KCNIP4: variants seen among roughly 807,000 people sequenced by gnomAD.
KCNIP4 encodes the protein Kv channel-interacting protein 4.
KCNIP4 carries 12 observed loss-of-function variants against 34.0 expected under a neutral mutation model. The observed-to-expected ratio is 0.35, with a 90% CI of 0.23 to 0.57. The LOEUF is 0.57. Ranked by LOEUF, KCNIP4 falls within the 20% of genes least tolerant of loss-of-function variation. The pLI, the probability that KCNIP4 is intolerant of heterozygous loss-of-function variation, is 0.83. For missense variants in KCNIP4, 238 were observed against 311.7 expected (o/e 0.76, Z 1.78); for synonymous variants, 124 against 102.2 (o/e 1.21, Z -1.29).
chr4:21,200,492 C>T (rs1201206893), intron 1 of KCNIP4, among the ~76,000 whole-genome samples: 1 of 151,372 alleles, frequency 6.6e-6, no homozygotes, highest in African/African-American at 2.4e-5. Context: ...TTTGCAACAA[C>T]TTGGATGGAA....
intron 1 of KCNIP4, among the ~76,000 whole-genome samples, chr4:21,287,848 A>AAT (rs1343857978): frequency 1.3e-5 from 2 of 152,154 alleles, no homozygotes; most frequent in Admixed American, 6.6e-5. Flanking sequence ...AAATCAAAAA[A>AAT]ATATATATAT....
intron 3 of KCNIP4, among the ~76,000 whole-genome samples, chr4:20,831,791 G>A (rs1409321739): frequency 6.6e-6 from 1 of 152,186 alleles, no homozygotes; most frequent in Non-Finnish European, 1.5e-5. Flanking sequence ...TTGCTTCATT[G>A]CACAGATTAC....
chr4:20,853,124 G>A (rs781717964), intron 2 of KCNIP4, among the ~76,000 whole-genome samples: 2 of 152,066 alleles, frequency 1.3e-5, no homozygotes, highest in South Asian at 2.1e-4. Context: ...CAGAATTAGA[G>A]AAAACAATTC....
intron 3 of KCNIP4, among the ~76,000 whole-genome samples, chr4:20,764,325 T>C (rs1326737329): frequency 6.6e-6 from 1 of 152,182 alleles, no homozygotes; most frequent in Non-Finnish European, 1.5e-5. Flanking sequence ...TCTTTAACTT[T>C]AGGAAATATC....
rs180717107 is a variant in KCNIP4, at chr4:21,314,697, T to A, written c.62-431988A>T. Reference sequence around the variant, plus strand: ...GGAGTGTAAGCTCTCTATTAACAAGTCATGGTAACAAGGAAAGGAGAATGG... The same window carrying A: ...GGAGTGTAAGCTCTCTATTAACAAGACATGGTAACAAGGAAAGGAGAATGG... On this transcript the variant is annotated intron_variant, in intron 1 of 8. Transcript: ENST00000382152. Among the ~76,000 whole-genome samples the A allele has an allele frequency of 1.1e-4, 17 of 152,292 alleles. No individual in the cohort carries two copies. In the South Asian group the frequency reaches 1.9e-3, roughly 17 times the overall value.
At chr4:21,173,948 C>T (rs2162080) in intron 1 of KCNIP4, among the ~76,000 whole-genome samples, 17,589 of 152,230 alleles carry the variant, frequency 0.12, 1,110 homozygotes, top group East Asian at 0.19. Flanking sequence ...TCTCTGCACA[C>T]CCCACTCCTT....
At chr4:21,689,014 T>C (rs535556109) in intron 1 of KCNIP4, among the ~76,000 whole-genome samples, 1 of 152,234 alleles carries the variant, frequency 6.6e-6, no homozygotes, top group Admixed American at 6.5e-5. Flanking sequence ...ATATGTTGGT[T>C]GGTTGAGTTA....
Position 21,820,281 on chromosome 4 carries a change from GTGTGTA to G in KCNIP4, c.61+128284_61+128289del, listed in dbSNP as rs1237618445. Among the ~76,000 whole-genome samples the G allele has an allele frequency of 8.9e-4, 16 of 17,922 alleles. No homozygotes were observed. In the East Asian group the frequency reaches 0.016, roughly 18 times the overall value. The allele number at this position is 17,922 out of a possible 152,430, so 11.8% of individuals were successfully genotyped here. On this transcript the variant is annotated intron_variant, in intron 1 of 8. Coordinates refer to ENST00000382152, the MANE Select transcript of KCNIP4 (RefSeq NM_025221.6). The stretch of plus-strand genomic sequence containing the variant: ...GTATGTATATCTTATGTATGTGTGT[GTGTGTA>G]TATATATATATATATATATATATAT...
In KCNIP4 at chr4:21,393,504, A is replaced by C. The variant is rs538634138; in HGVS notation, c.62-510795T>G. ...ACCACAAAGAGACATGGCAAGAAAGAAAGTCCCTTGTTGGATGAGCCACGG... is the reference window on the plus strand; with the variant it reads ...ACCACAAAGAGACATGGCAAGAAAGCAAGTCCCTTGTTGGATGAGCCACGG... On this transcript the variant is annotated intron_variant, in intron 1 of 8. Transcript: ENST00000382152. 2.0e-5 allele frequency among the ~76,000 whole-genome samples: 3 copies of C among 152,292 alleles called. No homozygotes were observed. The East Asian group carries it at 5.8e-4, about 29-fold the overall frequency.
chr4:21,813,655 T>C (rs6848840), intron 1 of KCNIP4, among the ~76,000 whole-genome samples: 72,489 of 151,960 alleles, frequency 0.48, 18,167 homozygotes, highest in East Asian at 0.65. Flanking sequence ...AATGCAAATA[T>C]AATAACATAG....
chr4:21,695,875 G>A (rs576855700), intron 1 of KCNIP4, among the ~76,000 whole-genome samples: 1 of 152,168 alleles, frequency 6.6e-6, no homozygotes, highest in Non-Finnish European at 1.5e-5. Context: ...TTTCAAATGT[G>A]ACATGATACC....
chr4:21,654,751 G>A (rs906867625), intron 1 of KCNIP4, among the ~76,000 whole-genome samples: 2 of 152,038 alleles, frequency 1.3e-5, no homozygotes, highest in Admixed American at 6.6e-5. Flanking sequence ...GTGAAACCCC[G>A]TCTCTACTAA....
chr4:21,740,984 G>A (rs1716361019), intron 1 of KCNIP4, among the ~76,000 whole-genome samples: 1 of 151,876 alleles, frequency 6.6e-6, no homozygotes, highest in South Asian at 2.1e-4. Flanking sequence ...CCAAAAAGAG[G>A]GAGAGAAAAA....
intron 2 of KCNIP4, among the ~76,000 whole-genome samples, chr4:20,868,686 C>G (rs1723112791): frequency 6.6e-6 from 1 of 152,040 alleles, no homozygotes; most frequent in Admixed American, 6.6e-5. Context: ...CTTGTCCTTT[C>G]AGCAACATGA....
chr4:21,762,192 G>A (rs1233190936), intron 1 of KCNIP4, among the ~76,000 whole-genome samples: 1 of 151,918 alleles, frequency 6.6e-6, no homozygotes, highest in African/African-American at 2.4e-5. Context: ...AGAAACAGGT[G>A]AAATTAAATT....
At chr4:21,251,125 T>C (rs1041825259) in intron 1 of KCNIP4, among the ~76,000 whole-genome samples, 2 of 152,062 alleles carry the variant, frequency 1.3e-5, no homozygotes, top group Non-Finnish European at 2.9e-5. Context: ...GATACAGCCA[T>C]ATAATGGAGT....
intron 1 of KCNIP4, among the ~76,000 whole-genome samples, chr4:21,402,710 G>A (rs1029780958): frequency 2.0e-5 from 3 of 151,660 alleles, no homozygotes; most frequent in African/African-American, 4.8e-5. Context: ...TGCTCTCTCT[G>A]GTCATAGATG....
intron 1 of KCNIP4, among the ~76,000 whole-genome samples, chr4:21,943,776 G>C (rs1197173446): frequency 2.0e-5 from 3 of 151,980 alleles, no homozygotes; most frequent in African/African-American, 7.3e-5. Context: ...TTTTGAGTGG[G>C]GAGAAGCAGT....
intron 1 of KCNIP4, among the ~76,000 whole-genome samples, chr4:21,833,456 A>C (rs1237167462): frequency 2.0e-5 from 3 of 151,724 alleles, no homozygotes; most frequent in Non-Finnish European, 2.9e-5. Flanking sequence ...TTTTCTTGTA[A>C]ATTTGTTTGA....
Sources: gnomAD v4.1 joint callset for allele counts (sites outside exome capture counted in the v4.1 genomes callset) on GRCh38, gnomAD v4.1.1 for gene constraint, MANE v1.5 for transcripts, NCBI Gene and HGNC (gene_info 2026-07-23, HGNC 2026-07-21) for gene names.